Variants in C1orf198 observed in about 807,000 individuals in gnomAD.
The protein encoded by C1orf198 is uncharacterized protein C1orf198.
A neutral mutation model predicts 31.4 loss-of-function variants in C1orf198; 17 were observed. The observed-to-expected ratio is 0.54, with a 90% CI of 0.37 to 0.81. C1orf198 has a LOEUF of 0.81. C1orf198 is among the 40% of genes least tolerant of loss of function. The pLI, the probability that C1orf198 is intolerant of heterozygous loss-of-function variation, is 0.00. For synonymous variants in C1orf198, 175 were observed against 193.8 expected (o/e 0.90, Z 0.81); for missense variants, 401 against 450.3 (o/e 0.89, Z 0.99).
chr1:230,848,318 C>G (rs1026379721), intron 2 of C1orf198, among the ~76,000 whole-genome samples: 2 of 152,154 alleles, frequency 1.3e-5, no homozygotes, highest in Admixed American at 1.3e-4. Context: ...TTGCAAATAA[C>G]GTATAACTAC....
chr1:230,843,995 C>T lies in C1orf198; in HGVS notation c.385-99G>A, dbSNP rs923795398. The T allele has an allele frequency of 4.9e-5, 61 of 1,238,952 alleles. No homozygotes were observed. Among genetic ancestry groups the T allele is most frequent in the Middle Eastern group, 4.2e-4 (2 of 4,756 alleles). 76.7% of individuals were successfully genotyped at this position (1,238,952 alleles called of 1,614,324 possible). A position where few individuals can be genotyped will look rare whatever the true frequency, so the allele number is the denominator to read the frequency against. ...CACGCACCCCTCCTCAGCATAAGGACGCACACCAGCCACACACGAGTTGTT... is the reference window on the plus strand; with the variant it reads ...CACGCACCCCTCCTCAGCATAAGGATGCACACCAGCCACACACGAGTTGTT... On this transcript the variant is annotated intron_variant, in intron 2 of 3. Transcript: ENST00000366663. This position sits in a 1 kb window ranked among gnomAD's most constrained non-coding sequence, Gnocchi z 4.9.
intron 1 of C1orf198, among the ~76,000 whole-genome samples, chr1:230,862,649 T>C (rs979332633): frequency 1.3e-5 from 2 of 152,272 alleles, no homozygotes; most frequent in African/African-American, 2.4e-5. Flanking sequence ...CCATATTACA[T>C]TCTGGAAAAG....
chr1:230,866,303 G>A (rs1177284478), intron 1 of C1orf198, among the ~76,000 whole-genome samples: 1 of 152,168 alleles, frequency 6.6e-6, no homozygotes, highest in East Asian at 1.9e-4. Context: ...AAAATTCAGG[G>A]TCTATCTGCC....
At chr1:230,844,483 C>A (rs1428919864) in intron 2 of C1orf198, among the ~76,000 whole-genome samples, 1 of 152,172 alleles carries the variant, frequency 6.6e-6, no homozygotes, top group Non-Finnish European at 1.5e-5. Flanking sequence ...AACCTCCTCT[C>A]TTTATAAATT....
intron 2 of C1orf198, among the ~76,000 whole-genome samples, chr1:230,852,116 G>T (rs1013321040): frequency 6.6e-6 from 1 of 152,144 alleles, no homozygotes; most frequent in African/African-American, 2.4e-5. Flanking sequence ...AGGGCATGAG[G>T]TTACATCTAC....
Position 230,839,581 on chromosome 1 carries a change from A to C in C1orf198, c.*271T>G, listed in dbSNP as rs996645644. Reference sequence around the variant, plus strand: ...AAAGTTGGGTGGAGCTGGGAACAGAAGTTTTATTTACAAGATCTCCTGAAT... The same window carrying C: ...AAAGTTGGGTGGAGCTGGGAACAGACGTTTTATTTACAAGATCTCCTGAAT... On this transcript the variant is annotated 3_prime_UTR_variant, in exon 4 of 4. Coordinates refer to ENST00000366663, the MANE Select transcript of C1orf198 (RefSeq NM_032800.3). The C allele has an allele frequency of 3.9e-5, 14 of 356,242 alleles. No individual in the cohort carries two copies. The highest frequency in any genetic ancestry group is 7.0e-5 in the Non-Finnish European group (14 of 200,872). The allele number at this position is 356,242 out of a possible 1,614,324, so 22.1% of individuals were successfully genotyped here.
rs565535592 is a variant in C1orf198 at position 230,852,148 on chromosome 1, G to A, written c.384+3520C>T. 2.6e-5 allele frequency among the ~76,000 whole-genome samples: 4 copies of A among 152,214 alleles called. No homozygotes were observed. In the East Asian group the frequency reaches 7.7e-4, roughly 29 times the overall value. ...CTACCCAACATGTGTACAAATTTGGGTTAAACGTATGGAGAAAATGACTGG... is the reference window on the plus strand; with the variant it reads ...CTACCCAACATGTGTACAAATTTGGATTAAACGTATGGAGAAAATGACTGG... On this transcript the variant is annotated intron_variant, in intron 2 of 3. Transcript: ENST00000366663.
At chr1:230,853,566 T>C (rs910626236) in intron 2 of C1orf198, among the ~76,000 whole-genome samples, 1 of 152,172 alleles carries the variant, frequency 6.6e-6, no homozygotes, top group African/African-American at 2.4e-5. Flanking sequence ...ATTTTGCCCC[T>C]AGACGTTTCT....
At chr1:230,847,401 T>C (rs984430673) in intron 2 of C1orf198, among the ~76,000 whole-genome samples, 12 of 152,230 alleles carry the variant, frequency 7.9e-5, no homozygotes, top group Non-Finnish European at 1.8e-4. Context: ...ATTATTATTT[T>C]CATTCTACAA....
chr1:230,868,235 C>T lies in C1orf198; in HGVS notation c.278G>A (p.Arg93His), dbSNP rs1404784352. Residue 93 changes from arginine (R) to histidine (H), a missense_variant, in exon 1 of 4, where the codon CGC (arginine) becomes CAC (histidine). Arg to His is a conservative substitution (Grantham distance 29). Transcript: ENST00000366663. Reference sequence around the variant, plus strand: ...CGTGGGCCCGCGCAAGCCGGGGAAGCGCGTGAGCTCCTCCGAGTCCCCGGG... The same window carrying T: ...CGTGGGCCCGCGCAAGCCGGGGAAGTGCGTGAGCTCCTCCGAGTCCCCGGG... ...RDPGDSEELT[R>H]FPGLRGPTGQ... The T allele has an allele frequency of 1.3e-6, 2 of 1,551,444 alleles. No individual in the cohort carries two copies. The highest frequency in any genetic ancestry group is 1.4e-5 in the African/African-American group (1 of 70,536).
chr1:230,850,189 C>A (rs1669704639), intron 2 of C1orf198, among the ~76,000 whole-genome samples: 1 of 152,224 alleles, frequency 6.6e-6, no homozygotes, highest in Non-Finnish European at 1.5e-5. Flanking sequence ...TTTCCTCTAT[C>A]ACAGTGCTTC....
chr1:230,847,825 T>C (rs191729602), intron 2 of C1orf198, among the ~76,000 whole-genome samples: 3 of 152,268 alleles, frequency 2.0e-5, no homozygotes, highest in Admixed American at 6.5e-5. Flanking sequence ...ATCTGGAAAT[T>C]GTAGTGTAAG....
In C1orf198 at chr1:230,841,991, GC is replaced by G. The variant is rs1194852155; in HGVS notation, c.927+1362del. Among the ~76,000 whole-genome samples the G allele has an allele frequency of 2.0e-5, 3 of 152,340 alleles. 1 individual carries two copies. The highest frequency in any genetic ancestry group is 7.2e-5 in the African/African-American group (3 of 41,576). On this transcript the variant is annotated intron_variant, in intron 3 of 3. Transcript: ENST00000366663. ...TCTACACTTGCTACAACATGAATGA[GC>G]CTTGAAGACGTCACATTAAGTAAAG...
chr1:230,852,762 C>T (rs990704607), intron 2 of C1orf198, among the ~76,000 whole-genome samples: 6 of 151,924 alleles, frequency 3.9e-5, no homozygotes, highest in Non-Finnish European at 5.9e-5. Flanking sequence ...AAGAAATGGC[C>T]AAGGTTAACC....
Position 230,844,444 on chromosome 1 carries a change from G to A in C1orf198, c.385-548C>T, listed in dbSNP as rs573807459. Among the ~76,000 whole-genome samples, 4 of 152,150 alleles carry A rather than the reference G, an allele frequency of 2.6e-5. No homozygotes were observed. In the South Asian group the frequency reaches 8.3e-4, roughly 32 times the overall value. ...AGCAGATGCCGATGCCATGTTTCCT[G>A]TGCAGCCCGCAGAACCGTGAGCCAA... On this transcript the variant is annotated intron_variant, in intron 2 of 3. Coordinates refer to ENST00000366663, the MANE Select transcript of C1orf198 (RefSeq NM_032800.3).
At chr1:230,860,930 G>A (rs1669991431) in intron 1 of C1orf198, among the ~76,000 whole-genome samples, 1 of 152,118 alleles carries the variant, frequency 6.6e-6, no homozygotes, top group Non-Finnish European at 1.5e-5. Flanking sequence ...AAGACATGGA[G>A]GAACCTCAAA....
At chr1:230,845,566 C>T (rs1269502613) in intron 2 of C1orf198, among the ~76,000 whole-genome samples, 1 of 151,954 alleles carries the variant, frequency 6.6e-6, no homozygotes, top group African/African-American at 2.4e-5. Flanking sequence ...CCTGTAATCC[C>T]ATCTACTCAG....
At position 230,843,255 on chromosome 1, in the gene C1orf198, A is replaced by G. The variant is rs1669494711; in HGVS notation, c.927+99T>C. ...GCAGGGGAAGGAGAAGAAAAAGAGCATGGGCACCTGTGGCCTGCCTGCTTT... is the reference window on the plus strand; with the variant it reads ...GCAGGGGAAGGAGAAGAAAAAGAGCGTGGGCACCTGTGGCCTGCCTGCTTT... On this transcript the variant is annotated intron_variant, in intron 3 of 3. Transcript: ENST00000366663. The surrounding 1 kb of genome is among the most constrained non-coding windows in gnomAD (Gnocchi z 4.9). 8 of 1,370,046 alleles carry G rather than the reference A, an allele frequency of 5.8e-6. No individual in the cohort carries two copies. In the Admixed American group the frequency reaches 2.0e-4, roughly 34 times the overall value. 84.9% of individuals were successfully genotyped at this position (1,370,046 alleles called of 1,614,324 possible).
At chr1:230,858,804 G>C (rs966597874) in intron 1 of C1orf198, among the ~76,000 whole-genome samples, 3 of 152,142 alleles carry the variant, frequency 2.0e-5, no homozygotes, top group African/African-American at 7.2e-5. Flanking sequence ...AAATAATAAG[G>C]CTTTTGGCTT....
Sources: allele counts gnomAD v4.1 joint callset (sites outside exome capture counted in the v4.1 genomes callset), GRCh38; gene constraint gnomAD v4.1.1; non-coding constraint Gnocchi (gnomAD v3.1); transcripts MANE v1.5; gene names NCBI Gene and HGNC (gene_info 2026-07-23, HGNC 2026-07-21).